The following SYNE1 variants were observed in gnomAD, a reference collection of about 807,000 sequenced individuals.
The protein encoded by SYNE1 is nesprin-1.
SYNE1 carries 616 observed loss-of-function variants against 1,111.0 expected under a neutral mutation model. The observed-to-expected ratio is 0.55, with a 90% confidence interval of 0.52 to 0.59. The LOEUF is 0.59. SYNE1 is among the 20% of genes least tolerant of loss of function. The pLI, the probability that SYNE1 is intolerant of heterozygous loss-of-function variation, is 0.00. For missense variants in SYNE1, 10,006 were observed against 10,417.0 expected (o/e 0.96, Z 1.72); for synonymous variants, 3,855 against 3,825.8 (o/e 1.01, Z -0.28).
intron 130 of SYNE1, among the ~76,000 whole-genome samples, chr6:152,166,576 T>C (rs905313990): frequency 1.3e-5 from 2 of 152,096 alleles, no homozygotes; most frequent in South Asian, 4.1e-4. Context: ...AATTACAGGA[T>C]AGCTTTTGTA....
At chr6:152,384,796 C>A (rs2097497245) in intron 55 of SYNE1, among the ~76,000 whole-genome samples, 1 of 151,760 alleles carries the variant, frequency 6.6e-6, no homozygotes, top group Admixed American at 6.6e-5. Context: ...GGGAGAATCA[C>A]TTGAACCCAG....
intron 76 of SYNE1, 76 bp downstream of exon 76, chr6:152,336,765 G>C (rs1390149813): frequency 6.4e-7 from 1 of 1,555,672 alleles, no homozygotes; most frequent in African/African-American, 1.3e-5. Flanking sequence ...ATATTGAAGT[G>C]AATACACTGA....
chr6:152,294,126 T>A lies in SYNE1; in HGVS notation c.17684A>T (p.Asp5895Val), dbSNP rs1260651964. The change falls in exon 94 of 146, where the codon GAC (aspartate) becomes GTC (valine). Residue 5895 changes from aspartate to valine, a missense_variant and splice_region_variant. This residue lies in a region of SYNE1 where 4,955 missense variants were observed against 5,017.2 expected (regional missense o/e 0.99). Coordinates refer to ENST00000367255, the MANE Select transcript of SYNE1 (RefSeq NM_182961.4). ...VANTDASVNQ[D>V]IAYYQALSAE... ...AGACAAGGCTTGGTAATATGCAATG[T>A]CCTGTGAGTGCAAAGCACAGTATTG... 5.0e-6 allele frequency: 8 copies of A among 1,613,296 alleles called. No individual in the cohort carries two copies. In the African/African-American group the frequency reaches 1.1e-4, roughly 22 times the overall value.
intron 115 of SYNE1, among the ~76,000 whole-genome samples, chr6:152,228,464 G>T (rs766230334): frequency 5.3e-5 from 8 of 151,544 alleles, no homozygotes; most frequent in African/African-American, 1.5e-4. Context: ...TTAAATAGAA[G>T]AAATGAACAG....
At chr6:152,463,557 C>T in intron 18 of SYNE1, 40 bp from the exon 19 acceptor site, 1 of 1,531,052 alleles carries the variant, frequency 6.5e-7, no homozygotes, top group Non-Finnish European at 9.0e-7. Flanking sequence ...AACCATAAAC[C>T]AAATATCAGT....
intron 73 of SYNE1, among the ~76,000 whole-genome samples, chr6:152,346,676 G>T (rs527251973): frequency 5.3e-5 from 8 of 152,074 alleles, no homozygotes; most frequent in Non-Finnish European, 8.8e-5. Flanking sequence ...CAGGCGTGGT[G>T]GCGGGCGCCT....
chr6:152,628,087 G>A (rs182245120), intron 3 of SYNE1, among the ~76,000 whole-genome samples, 178 bp downstream of exon 3: 4 of 141,294 alleles, frequency 2.8e-5, no homozygotes, highest in African/African-American at 1.0e-4. Flanking sequence ...TTCCTTCTAT[G>A]TAATGAATAC....
intron 91 of SYNE1, among the ~76,000 whole-genome samples, chr6:152,307,801 T>C (rs1199909723): frequency 2.0e-5 from 3 of 152,132 alleles, no homozygotes; most frequent in Non-Finnish European, 2.9e-5. Context: ...ATGACTAATA[T>C]GTCAAAGAAG....
At chr6:152,337,148 C>G in intron 75 of SYNE1, 131 bp from the exon 76 acceptor site, 1 of 816,284 alleles carries the variant, frequency 1.2e-6, no homozygotes, top group Middle Eastern at 3.4e-4. Flanking sequence ...AACTCACACA[C>G]ACAAATACAT....
chr6:152,214,193 C>CAAAA (rs200066196), intron 122 of SYNE1, among the ~76,000 whole-genome samples: 1 of 59,908 alleles, frequency 1.7e-5, no homozygotes, highest in Admixed American at 1.8e-4. Context: ...AACTCCGTCT[C>CAAAA]AAAAAAAAAA....
chr6:152,286,728 A>C (rs1346895405), intron 95 of SYNE1, among the ~76,000 whole-genome samples: 1 of 152,218 alleles, frequency 6.6e-6, no homozygotes, highest in East Asian at 1.9e-4. Flanking sequence ...TTCTGCATAT[A>C]GCAAATAATC....
At chr6:152,241,500 CTGTGTGTG>C (rs1231628952) in intron 107 of SYNE1, among the ~76,000 whole-genome samples, 1 of 74,174 alleles carries the variant, frequency 1.3e-5, no homozygotes, top group African/African-American at 7.3e-5. Flanking sequence ...AATGCAAGAG[CTGTGTGTG>C]TGTGTGTGTG....
intron 98 of SYNE1, 117 bp downstream of exon 98, chr6:152,277,972 A>C: frequency 9.6e-7 from 1 of 1,045,928 alleles, no homozygotes; most frequent in Non-Finnish European, 1.5e-6. Flanking sequence ...AGCGTAAAGC[A>C]GGTACACACA....
Position 152,588,834 on chromosome 6 carries a change from C to T in SYNE1, c.67+39431G>A, listed in dbSNP as rs2099548746. The stretch of plus-strand genomic sequence containing the variant: ...CTGCAAAGGCCCATCCAGGTGGGTC[C>T]CTGGGAGGGCACCCAGCACTAAGGG... On this transcript the variant is annotated intron_variant, in intron 3 of 145. Transcript: ENST00000367255. Among the ~76,000 whole-genome samples the T allele has an allele frequency of 2.0e-5, 3 of 152,146 alleles. No homozygotes were observed. In the South Asian group the frequency reaches 6.2e-4, roughly 32 times the overall value.
chr6:152,224,963 A>G (rs1391368132), intron 116 of SYNE1, among the ~76,000 whole-genome samples: 1 of 147,400 alleles, frequency 6.8e-6, no homozygotes. Context: ...ATATGTGTAT[A>G]TATATATACA....
In SYNE1 at chr6:152,381,049, T is replaced by C; in HGVS notation, c.8966A>G (p.Lys2989Arg). Residue 2989 changes from lysine to arginine, a missense_variant, in exon 56 of 146, where the codon AAG becomes AGG. By Grantham distance (26) the Lys-to-Arg change is conservative. Coordinates refer to ENST00000367255, the MANE Select transcript of SYNE1 (RefSeq NM_182961.4). ...TTCCACTATCTCCTCATCCGTGTTC[T>C]TGCCTTCCAGGAGGGTTAACTGCTG... Reference protein sequence around the residue: ...WAQQLTLLEGKNTDEEIVECW... With the variant: ...WAQQLTLLEGRNTDEEIVECW... 2 of 1,614,202 alleles carry C rather than the reference T, an allele frequency of 1.2e-6. No individual in the cohort carries two copies. Among genetic ancestry groups the C allele is most frequent in the East Asian group, 2.2e-5 (1 of 44,880 alleles).
chr6:152,311,213 C>G (rs1413219573), intron 87 of SYNE1: 1 of 300,916 alleles, frequency 3.3e-6, no homozygotes, highest in Non-Finnish European at 6.3e-6. Context: ...TACTAGGTGT[C>G]TTATTTGTAT....
At chr6:152,192,432 A>G (rs1184264303) in intron 127 of SYNE1, among the ~76,000 whole-genome samples, 1 of 125,202 alleles carries the variant, frequency 8.0e-6, no homozygotes, top group African/African-American at 3.1e-5. Flanking sequence ...ATACATGAGC[A>G]TACATAAGTG....
intron 45 of SYNE1, among the ~76,000 whole-genome samples, chr6:152,406,595 C>T (rs1286422198): frequency 6.6e-6 from 1 of 151,940 alleles, no homozygotes; most frequent in African/African-American, 2.4e-5. Context: ...AGGTCTGGAA[C>T]AGTGGCTCAC....
Sources: gnomAD v4.1 joint callset for allele counts (sites outside exome capture counted in the v4.1 genomes callset) on GRCh38, gnomAD v4.1.1 for gene constraint, gnomAD v4.1.1 regional missense constraint, MANE v1.5 for transcripts, NCBI Gene and HGNC (gene_info 2026-07-23, HGNC 2026-07-21) for gene names.